Variants in KLF7 observed in about 807,000 individuals in gnomAD.
KLF7 encodes the protein Krueppel-like factor 7.
A neutral mutation model predicts 27.3 loss-of-function variants in KLF7; 2 were observed. That is an observed-to-expected ratio of 0.07 (90% CI 0.03 to 0.23). The LOEUF (loss-of-function observed/expected upper bound fraction) is 0.23, where lower values mean the gene tolerates loss of function less well. KLF7 is among the 10% of genes least tolerant of loss of function. The probability of loss-of-function intolerance (pLI) is 1.00; values close to 1 mark genes in which losing one functional copy is unlikely to be tolerated. For missense variants in KLF7, 221 were observed against 394.1 expected (o/e 0.56, Z 3.72); for synonymous variants, 165 against 162.4 (o/e 1.02, Z -0.12).
rs1228359174 is a variant in KLF7 at position 207,077,295 on chromosome 2, C to T, written c.*3918G>A. The T allele has an allele frequency of 6.6e-6, 1 of 152,134 alleles. No homozygotes were observed. Among genetic ancestry groups the T allele is most frequent in the African/African-American group, 2.4e-5 (1 of 41,422 alleles). The allele number at this position is 152,134 out of a possible 1,614,324, so 9.4% of individuals were successfully genotyped here. On this transcript the variant is annotated 3_prime_UTR_variant, in exon 4 of 4. Transcript: ENST00000309446. ...AGCCCCATTTCTTTCCCCTTTGATG[C>T]AAATAGACATGGATAATCTGGAAAG...
intron 2 of KLF7, among the ~76,000 whole-genome samples, chr2:207,098,225 A>C (rs1348491938): frequency 1.3e-5 from 2 of 151,938 alleles, no homozygotes; most frequent in Non-Finnish European, 2.9e-5. Flanking sequence ...GCTTTTTTGG[A>C]GTTAAATCCA....
chr2:207,094,633 C>A (rs2076583817), intron 2 of KLF7, among the ~76,000 whole-genome samples: 3 of 152,314 alleles, frequency 2.0e-5, no homozygotes, highest in Middle Eastern at 6.8e-3. Context: ...ACTAAGCTTT[C>A]TCAGCAATGG....
rs1047590560 is a variant in KLF7, at chr2:207,107,801, G to A, written c.733+15973C>T. On this transcript the variant is annotated intron_variant, in intron 2 of 3. Coordinates refer to ENST00000309446, the MANE Select transcript of KLF7 (RefSeq NM_003709.4). The stretch of plus-strand genomic sequence containing the variant: ...GCAGAACACAGACACAAATGAGCAG[G>A]TGACCTCTCAAACCGTGTCAAAACG... 5.3e-5 allele frequency among the ~76,000 whole-genome samples: 8 copies of A among 152,174 alleles called. No homozygotes were observed. In the East Asian group the frequency reaches 1.5e-3, roughly 29 times the overall value.
intron 2 of KLF7, among the ~76,000 whole-genome samples, chr2:207,114,540 C>T (rs966059425): frequency 2.0e-5 from 3 of 152,202 alleles, no homozygotes; most frequent in Admixed American, 6.5e-5. Flanking sequence ...TGCTCTTCTA[C>T]ACTCAAATAT....
intron 2 of KLF7, among the ~76,000 whole-genome samples, chr2:207,112,971 A>T (rs963789198): frequency 3.9e-5 from 6 of 152,222 alleles, no homozygotes; most frequent in African/African-American, 1.4e-4. Context: ...AAGGAATAAA[A>T]CCCATAATAG....
At chr2:207,118,299 A>G (rs2077243423) in intron 2 of KLF7, among the ~76,000 whole-genome samples, 1 of 152,176 alleles carries the variant, frequency 6.6e-6, no homozygotes, top group African/African-American at 2.4e-5. Context: ...AACAACCATA[A>G]AATAGTAGCT....
At chr2:207,141,209 C>T (rs980210219) in intron 1 of KLF7, among the ~76,000 whole-genome samples, 1 of 152,104 alleles carries the variant, frequency 6.6e-6, no homozygotes, top group African/African-American at 2.4e-5. Context: ...AATGGAATTC[C>T]CTACTCTGAT....
chr2:207,157,640 T>C (rs1388628727), intron 1 of KLF7, among the ~76,000 whole-genome samples: 1 of 152,120 alleles, frequency 6.6e-6, no homozygotes, highest in African/African-American at 2.4e-5. Flanking sequence ...CCTGGGGTGA[T>C]GGTGGCAAAA....
chr2:207,122,854 C>CCAT lies in KLF7; in HGVS notation c.733+919_733+920insATG, dbSNP rs1412229770. ...GTATGCAAAAACCATACAGGTAGCA[C>CCAT]ACTGTTGGAGACTCACTTAAAAACC... On this transcript the variant is annotated intron_variant, in intron 2 of 3. Coordinates refer to ENST00000309446, the MANE Select transcript of KLF7 (RefSeq NM_003709.4). 1.6e-3 allele frequency among the ~76,000 whole-genome samples: 237 copies of CCAT among 152,240 alleles called. 3 individuals carry two copies. The highest frequency in any genetic ancestry group is 4.7e-3 in the African/African-American group (194 of 41,534).
At chr2:207,119,678 A>G (rs2077283851) in intron 2 of KLF7, among the ~76,000 whole-genome samples, 1 of 152,114 alleles carries the variant, frequency 6.6e-6, no homozygotes, top group South Asian at 2.1e-4. Flanking sequence ...GCTCTTCCCA[A>G]TGAATAAACC....
chr2:207,106,826 T>C (rs759621059), intron 2 of KLF7, among the ~76,000 whole-genome samples: 29 of 151,296 alleles, frequency 1.9e-4, no homozygotes, highest in Admixed American at 2.6e-4. Context: ...TGGGATGGAG[T>C]GGGGTGGAAG....
rs1553521659 is a variant in KLF7 at position 207,099,551 on chromosome 2, G to GATATATATATATATATATAATAT, written c.734-10971_734-10970insATATTATATATATATATATATAT. 1.2e-3 allele frequency among the ~76,000 whole-genome samples: 70 copies of GATATATATATATATATATAATAT among 57,572 alleles called. 3 individuals carry two copies. The South Asian group carries it at 0.017, about 14-fold the overall frequency. 37.8% of individuals were successfully genotyped at this position (57,572 alleles called of 152,430 possible). A position where few individuals can be genotyped will look rare whatever the true frequency, so the allele number is the denominator to read the frequency against. On this transcript the variant is annotated intron_variant, in intron 2 of 3. Coordinates refer to ENST00000309446, the MANE Select transcript of KLF7 (RefSeq NM_003709.4). ...AAAGTTAACTTTCTGCTACATATGCGATATATATATATATATATATATGAA... is the reference window on the plus strand; with the variant it reads ...AAAGTTAACTTTCTGCTACATATGCGATATATATATATATATATAATATATATATATATATATATATATATGAA...
At chr2:207,136,888 C>T (rs1370683808) in intron 1 of KLF7, among the ~76,000 whole-genome samples, 2 of 152,136 alleles carry the variant, frequency 1.3e-5, no homozygotes, top group Non-Finnish European at 2.9e-5. Flanking sequence ...CTCCTCAGTG[C>T]GAGTTTTTAC....
At chr2:207,133,648 A>C (rs962392144) in intron 1 of KLF7, among the ~76,000 whole-genome samples, 1 of 152,116 alleles carries the variant, frequency 6.6e-6, no homozygotes, top group Non-Finnish European at 1.5e-5. Context: ...AGAAACCTGT[A>C]ATTATTCTTG....
chr2:207,129,333 C>T (rs1241417905), intron 1 of KLF7, among the ~76,000 whole-genome samples: 2 of 152,194 alleles, frequency 1.3e-5, no homozygotes, highest in African/African-American at 4.8e-5. Context: ...TTCCCTCAGC[C>T]TGACCTAACC....
intron 1 of KLF7, among the ~76,000 whole-genome samples, chr2:207,128,538 A>C (rs1031613087): frequency 1.5e-4 from 23 of 152,224 alleles, no homozygotes; most frequent in Non-Finnish European, 2.6e-4. Flanking sequence ...CCACCGAACA[A>C]AATATTTATT....
At chr2:207,100,303 T>A (rs2076736160) in intron 2 of KLF7, among the ~76,000 whole-genome samples, 1 of 152,224 alleles carries the variant, frequency 6.6e-6, no homozygotes, top group South Asian at 2.1e-4. Context: ...TATGTCTACA[T>A]AATTCTCTTC....
rs1454926575 is a variant in KLF7, at chr2:207,123,954, C to T, written c.553G>A (p.Ala185Thr). 4 of 1,614,110 alleles carry T rather than the reference C, an allele frequency of 2.5e-6. No homozygotes were observed. In the African/African-American group the frequency reaches 4.0e-5, roughly 16 times the overall value. Residue 185 changes from alanine (A) to threonine (T), a missense_variant, in exon 2 of 4, where the codon GCA becomes ACA. Ala to Thr is a moderately conservative substitution (Grantham distance 58, BLOSUM62 0). Around this residue, in one of 3 missense-constraint regions of KLF7, gnomAD observed 180 missense variants for 227.9 expected, o/e 0.79. Coordinates refer to ENST00000309446, the MANE Select transcript of KLF7 (RefSeq NM_003709.4). ...SVKVGGVATA[A>T]AAVTAAGAVK... is the part of the protein sequence containing the mutation. Reference sequence around the variant, plus strand: ...GCCCCCGCAGCCGTCACGGCTGCTGCAGCTGTTGCGACCCCTCCCACCTTT... The same window carrying T: ...GCCCCCGCAGCCGTCACGGCTGCTGTAGCTGTTGCGACCCCTCCCACCTTT...
chr2:207,078,109 G>A lies in KLF7; in HGVS notation c.*3104C>T, dbSNP rs1211308707. ...CTCTGCCACTGCAGAGGTGATGGACGTTTTATTACAAATCCATTTCCAAAA... is the reference window on the plus strand; with the variant it reads ...CTCTGCCACTGCAGAGGTGATGGACATTTTATTACAAATCCATTTCCAAAA... On this transcript the variant is annotated 3_prime_UTR_variant, in exon 4 of 4. Coordinates refer to ENST00000309446, the MANE Select transcript of KLF7 (RefSeq NM_003709.4). 3 of 152,338 alleles carry A rather than the reference G, an allele frequency of 2.0e-5. No individual in the cohort carries two copies. Among genetic ancestry groups the A allele is most frequent in the South Asian group, 2.1e-4 (1 of 4,826 alleles). The allele number at this position is 152,338 out of a possible 1,614,324, so 9.4% of individuals were successfully genotyped here. A position where few individuals can be genotyped will look rare whatever the true frequency, so the allele number is the denominator to read the frequency against.
Sources: allele counts gnomAD v4.1 joint callset (sites outside exome capture counted in the v4.1 genomes callset), GRCh38; gene constraint gnomAD v4.1.1; regional missense constraint gnomAD v4.1.1; transcripts MANE v1.5; gene names NCBI Gene and HGNC (gene_info 2026-07-23, HGNC 2026-07-21).